Variants in SMIM7 observed in about 807,000 individuals in gnomAD.
SMIM7 encodes UPF0608 protein C19orf42.
SMIM7 carries 12 observed loss-of-function variants against 13.3 expected under a neutral mutation model. The ratio of observed to expected loss-of-function variants is 0.90; its 90% CI spans 0.58 to 1.46. SMIM7 has a LOEUF of 1.46. Ranked by LOEUF, SMIM7 falls within the 40% of genes most tolerant of loss-of-function variation. The pLI, the probability that SMIM7 is intolerant of heterozygous loss-of-function variation, is 0.00. For synonymous variants in SMIM7, 36 were observed against 35.8 expected (o/e 1.01, Z -0.02); for missense variants, 114 against 94.8 (o/e 1.20, Z -0.84).
At chr19:16,639,747 G>A (rs747595589) in intron 4 of SMIM7, among the ~76,000 whole-genome samples, 11 of 152,056 alleles carry the variant, frequency 7.2e-5, no homozygotes, top group Non-Finnish European at 1.5e-4. Flanking sequence ...AAGTTCTCAC[G>A]AGATCTGATG....
chr19:16,651,643 G>A (rs924943528), intron 4 of SMIM7, among the ~76,000 whole-genome samples: 9 of 152,216 alleles, frequency 5.9e-5, no homozygotes, highest in South Asian at 2.1e-4. Flanking sequence ...CAGGAAAGAC[G>A]AGAATGAGAG....
chr19:16,633,040 G>C (rs2086333085), intron 4 of SMIM7, among the ~76,000 whole-genome samples: 1 of 152,228 alleles, frequency 6.6e-6, no homozygotes, highest in Admixed American at 6.5e-5. Flanking sequence ...TAAATAAACT[G>C]TGATTAGTTC....
At chr19:16,634,769 C>T (rs1450632279) in intron 4 of SMIM7, 20 of 109,118 alleles carry the variant, frequency 1.8e-4, no homozygotes. Context: ...CAGACTGAGA[C>T]TCTGTCTTAA....
intron 4 of SMIM7, among the ~76,000 whole-genome samples, chr19:16,638,190 G>A (rs986167580): frequency 1.3e-5 from 2 of 151,960 alleles, no homozygotes; most frequent in African/African-American, 2.4e-5. Context: ...ATCACTTAAA[G>A]CCGGAGGCGG....
chr19:16,635,721 G>C (rs2086353752), intron 4 of SMIM7, among the ~76,000 whole-genome samples: 2 of 150,892 alleles, frequency 1.3e-5, no homozygotes, highest in Non-Finnish European at 3.0e-5. Context: ...ATCTCTAAGA[G>C]AACGACAAAA....
chr19:16,639,323 C>A (rs1401814075), intron 4 of SMIM7, among the ~76,000 whole-genome samples: 1 of 151,954 alleles, frequency 6.6e-6, no homozygotes, highest in Non-Finnish European at 1.5e-5. Context: ...GGGGTTTCAC[C>A]GTGTTAGCCA....
intron 3 of SMIM7, among the ~76,000 whole-genome samples, chr19:16,657,991 T>C (rs1292432301): frequency 6.6e-6 from 1 of 152,210 alleles, no homozygotes; most frequent in African/African-American, 2.4e-5. Context: ...GCTATGACTG[T>C]GCCGCTGCAC....
intron 2 of SMIM7, 26 bp downstream of exon 2, chr19:16,659,933 C>A: frequency 6.2e-7 from 1 of 1,602,128 alleles, no homozygotes. Flanking sequence ...CCGGATGGAG[C>A]CGCAGTCCGG....
In SMIM7 at chr19:16,660,113, T is replaced by C. The variant is rs771435869; in HGVS notation, c.-3A>G. The C allele has an allele frequency of 1.7e-5, 28 of 1,614,046 alleles. No individual in the cohort carries two copies. The highest frequency in any genetic ancestry group is 4.2e-6 in the Non-Finnish European group (5 of 1,180,034). The stretch of plus-strand genomic sequence containing the variant: ...AACAGCAGGATGTCTCCGATCATCG[T>C]TACGGCCGAAGCGTCCGTCAGAACC... On this transcript the variant is annotated 5_prime_UTR_variant, in exon 1 of 5. Transcript: ENST00000487416.
At chr19:16,649,008 G>A (rs1478026948) in intron 4 of SMIM7, among the ~76,000 whole-genome samples, 1 of 152,050 alleles carries the variant, frequency 6.6e-6, no homozygotes, top group African/African-American at 2.4e-5. Flanking sequence ...GCAACAGAGT[G>A]AGACTCTGTT....
At chr19:16,645,027 C>G (rs573981808), downstream of SMIM7, 1 of 152,198 alleles carries the variant, frequency 6.6e-6, no homozygotes, top group Non-Finnish European at 1.5e-5. Flanking sequence ...TGACCCAGAA[C>G]ATTAGTGCTT....
At chr19:16,647,290 G>A (rs542423770) in intron 4 of SMIM7, 29 bp from the exon 5 acceptor site, 10 of 1,613,510 alleles carry the variant, frequency 6.2e-6, no homozygotes, top group Non-Finnish European at 6.8e-6. Context: ...AGAAATGTCT[G>A]TGAGGATAGG....
chr19:16,654,059 A>G lies in SMIM7; in HGVS notation c.188T>C (p.Ile63Thr). ...CACAATCATGCAGAACATCATGAAG[A>G]TGTTCCACAGGGCGATGAAGATTCG... ...YFRIFIALWNIFMMFCMIVLF... is the reference protein window; with the variant it reads ...YFRIFIALWNTFMMFCMIVLF... The change falls in exon 4 of 5, where the codon ATC becomes ACC. Residue 63 changes from isoleucine to threonine, a missense_variant. Ile to Thr is a moderately conservative substitution (Grantham distance 89). Transcript: ENST00000487416. The G allele has an allele frequency of 4.3e-6, 7 of 1,614,108 alleles. No individual in the cohort carries two copies. The highest frequency in any genetic ancestry group is 5.9e-6 in the Non-Finnish European group (7 of 1,180,010).
Position 16,647,260 on chromosome 19 carries a change from G to A in SMIM7, c.214C>T (p.Leu72=). 6.2e-7 allele frequency: 1 copy of A among 1,614,020 alleles called. No homozygotes were observed. Among genetic ancestry groups the A allele is most frequent in the Middle Eastern group, 1.6e-4 (1 of 6,062 alleles). ...NIFMMFCMIV[L]FGS is the part of the protein sequence containing the mutation. The stretch of plus-strand genomic sequence containing the variant: ...ATCGCTGGGATTCAAGAGCCGAACA[G>A]CCTGGAGAAGTCAGAGGGCAGAAAT... Residue 72 remains leucine, a splice_region_variant and synonymous_variant, in exon 5 of 5, where the codon CTG becomes TTG. Coordinates refer to ENST00000487416, the MANE Select transcript of SMIM7 (RefSeq NM_024104.4).
At chr19:16,636,036 G>C (rs1445415462) in intron 4 of SMIM7, 4 of 151,652 alleles carry the variant, frequency 2.6e-5, no homozygotes, top group Non-Finnish European at 5.9e-5. Flanking sequence ...GGATAATTAA[G>C]GGTACAGGTG....
intron 4 of SMIM7, among the ~76,000 whole-genome samples, chr19:16,650,255 T>C (rs1022299901): frequency 4.6e-5 from 7 of 152,218 alleles, no homozygotes; most frequent in Non-Finnish European, 1.0e-4. Context: ...CTGTACCACA[T>C]ACCTATCCAT....
intron 4 of SMIM7, among the ~76,000 whole-genome samples, chr19:16,639,201 A>T (rs2086385014): frequency 6.8e-6 from 1 of 147,562 alleles, no homozygotes. Flanking sequence ...GGCTCACTGC[A>T]AGCTCCGCCC....
intron 4 of SMIM7, chr19:16,652,846 C>A: frequency 6.5e-7 from 1 of 1,550,162 alleles, no homozygotes; most frequent in Non-Finnish European, 8.7e-7. Context: ...ACCAGATTCT[C>A]CCGTCGTGTC....
chr19:16,658,686 AG>A (rs1398762223), intron 3 of SMIM7, among the ~76,000 whole-genome samples: 3 of 152,204 alleles, frequency 2.0e-5, no homozygotes, highest in Non-Finnish European at 4.4e-5. Flanking sequence ...TAAAAGTGGC[AG>A]GTCTGCAGCA....
Sources: gnomAD v4.1 joint callset for allele counts (sites outside exome capture counted in the v4.1 genomes callset) on GRCh38, gnomAD v4.1.1 for gene constraint, MANE v1.5 for transcripts, NCBI Gene and HGNC (gene_info 2026-07-23, HGNC 2026-07-21) for gene names.